CDH13: variants seen among roughly 807,000 people sequenced by gnomAD.
CDH13 encodes the protein cadherin 13.
A neutral mutation model predicts 63.8 loss-of-function variants in CDH13; 24 were observed. That is an observed-to-expected ratio of 0.38 (90% CI 0.27 to 0.53). The LOEUF (loss-of-function observed/expected upper bound fraction) is 0.53, where lower values mean the gene tolerates loss of function less well. CDH13 is among the 20% of genes least tolerant of loss of function. CDH13 has a pLI of 0.85. For missense variants in CDH13, 1,049 were observed against 903.1 expected, an observed-to-expected ratio of 1.16 and a Z score of -2.07; for synonymous variants, 503 against 355.3, an observed-to-expected ratio of 1.42 and a Z score of -4.67.
chr16:83,200,952 TG>T (rs2039010596), intron 4 of CDH13, among the ~76,000 whole-genome samples: 1 of 150,338 alleles, frequency 6.7e-6, no homozygotes, highest in African/African-American at 2.4e-5. Flanking sequence ...TGTGTGTGTG[TG>T]TGTGTGTGTG....
intron 6 of CDH13, among the ~76,000 whole-genome samples, chr16:83,422,972 G>A (rs2071761667): frequency 6.6e-6 from 1 of 152,088 alleles, no homozygotes; most frequent in Non-Finnish European, 1.5e-5. Flanking sequence ...CAAATACTAG[G>A]AATACAAAGG....
At chr16:83,649,724 C>T (rs1196989770) in intron 8 of CDH13, among the ~76,000 whole-genome samples, 1 of 152,026 alleles carries the variant, frequency 6.6e-6, no homozygotes. Context: ...GGATGCTGAA[C>T]ACGGAGGGCA....
Position 83,753,793 on chromosome 16 carries a change from A to C in CDH13, c.1681+5543A>C, listed in dbSNP as rs186358557. Among the ~76,000 whole-genome samples, 387 of 152,172 alleles carry C rather than the reference A, an allele frequency of 2.5e-3. 2 individuals carry two copies. Among genetic ancestry groups the C allele is most frequent in the Middle Eastern group, 0.02 (6 of 294 alleles). On this transcript the variant is annotated intron_variant, in intron 11 of 13. Coordinates refer to ENST00000567109, the MANE Select transcript of CDH13 (RefSeq NM_001257.5). ...AACTTCCATGTAGGATACAGTACGG[A>C]AGTGTCCCCACTGTGAAACTAGAAA...
chr16:82,764,213 G>A (rs2034962170), intron 1 of CDH13, among the ~76,000 whole-genome samples: 1 of 152,200 alleles, frequency 6.6e-6, no homozygotes, highest in Non-Finnish European at 1.5e-5. Flanking sequence ...CAAGTACACA[G>A]GCTAAGCATG....
At chr16:83,034,045 G>C (rs1172123658) in intron 3 of CDH13, among the ~76,000 whole-genome samples, 2 of 152,072 alleles carry the variant, frequency 1.3e-5, no homozygotes, top group East Asian at 3.9e-4. Context: ...CAATGTGAGA[G>C]TTACCTTCCC....
chr16:82,694,880 C>T lies in CDH13; in HGVS notation c.45+67743C>T, dbSNP rs1263957803. Reference sequence around the variant, plus strand: ...AGGAGGAGTGCCTATAAAGGAGGCGCCTTGGGTATTCTTACTGAGCATAAC... The same window carrying T: ...AGGAGGAGTGCCTATAAAGGAGGCGTCTTGGGTATTCTTACTGAGCATAAC... On this transcript the variant is annotated intron_variant, in intron 1 of 13. Transcript: ENST00000567109. Among the ~76,000 whole-genome samples, 5 of 152,026 alleles carry T rather than the reference C, an allele frequency of 3.3e-5. No homozygotes were observed. In the East Asian group the frequency reaches 5.8e-4, roughly 18 times the overall value.
intron 11 of CDH13, among the ~76,000 whole-genome samples, chr16:83,771,037 G>C (rs988308887): frequency 1.3e-5 from 2 of 152,118 alleles, no homozygotes; most frequent in Non-Finnish European, 2.9e-5. Flanking sequence ...TGAGTGTCTA[G>C]TTTTCTTTTC....
chr16:82,731,780 T>G (rs1450364732), intron 1 of CDH13, among the ~76,000 whole-genome samples: 1 of 152,268 alleles, frequency 6.6e-6, no homozygotes, highest in Non-Finnish European at 1.5e-5. Context: ...TTTTATTATT[T>G]GTAAATTATG....
At chr16:83,451,390 A>G (rs2151511110) in intron 6 of CDH13, among the ~76,000 whole-genome samples, 1 of 152,306 alleles carries the variant, frequency 6.6e-6, no homozygotes, top group African/African-American at 2.4e-5. Flanking sequence ...AACAGCATGG[A>G]AAATACCTGC....
At chr16:83,541,287 A>C (rs925640581) in intron 7 of CDH13, among the ~76,000 whole-genome samples, 4 of 152,236 alleles carry the variant, frequency 2.6e-5, no homozygotes, top group Admixed American at 2.6e-4. Context: ...GAAAATCTAA[A>C]TGAATTCTTC....
chr16:83,060,342 C>G (rs12447793), intron 3 of CDH13, among the ~76,000 whole-genome samples: 1 of 152,068 alleles, frequency 6.6e-6, no homozygotes, highest in Non-Finnish European at 1.5e-5. Flanking sequence ...GGTCTCCATT[C>G]TTAAAAATCC....
chr16:83,115,148 C>T (rs1172647427), intron 3 of CDH13, among the ~76,000 whole-genome samples: 2 of 152,194 alleles, frequency 1.3e-5, no homozygotes, highest in Non-Finnish European at 2.9e-5. Flanking sequence ...CCAGCAGCAA[C>T]CCTGGGGAGG....
chr16:82,788,865 C>T (rs2036153131), intron 1 of CDH13, among the ~76,000 whole-genome samples: 1 of 152,068 alleles, frequency 6.6e-6, no homozygotes, highest in African/African-American at 2.4e-5. Context: ...ACTCTTAATG[C>T]CTTTTGGTTC....
Position 82,792,883 on chromosome 16 carries a change from A to T in CDH13, c.46-65479A>T, listed in dbSNP as rs753558107. On this transcript the variant is annotated intron_variant, in intron 1 of 13. Coordinates refer to ENST00000567109, the MANE Select transcript of CDH13 (RefSeq NM_001257.5). ...CGCTAATTGATTTGTAAGAAAGTCC[A>T]CATGAAATGCCTGGCACTCTCCCAA... Among the ~76,000 whole-genome samples the T allele has an allele frequency of 1.3e-4, 20 of 152,170 alleles. 1 individual carries two copies. The highest frequency in any genetic ancestry group is 2.5e-4 in the Non-Finnish European group (17 of 68,034).
intron 6 of CDH13, among the ~76,000 whole-genome samples, chr16:83,409,270 A>T (rs2092092367): frequency 6.6e-6 from 1 of 151,836 alleles, no homozygotes; most frequent in Non-Finnish European, 1.5e-5. Flanking sequence ...GGATATGCCA[A>T]TCCCATTCTT....
intron 4 of CDH13, among the ~76,000 whole-genome samples, chr16:83,143,032 AG>A (rs1219587765): frequency 6.6e-6 from 1 of 152,178 alleles, no homozygotes; most frequent in Non-Finnish European, 1.5e-5. Flanking sequence ...TGAACCCGGG[AG>A]GCGGAGGTTG....
intron 7 of CDH13, among the ~76,000 whole-genome samples, chr16:83,533,052 C>G (rs932143643): frequency 3.9e-5 from 6 of 152,116 alleles, no homozygotes; most frequent in African/African-American, 1.4e-4. Context: ...TAAAAGGATT[C>G]CAATTATTGT....
chr16:82,699,779 C>T (rs571959280), intron 1 of CDH13, among the ~76,000 whole-genome samples: 2 of 152,222 alleles, frequency 1.3e-5, no homozygotes, highest in Non-Finnish European at 2.9e-5. Flanking sequence ...TTAAGATAAT[C>T]TCTTTTGTCT....
chr16:82,690,016 A>AAAAAAAAAT (rs1915481702), intron 1 of CDH13, among the ~76,000 whole-genome samples: 3 of 142,316 alleles, frequency 2.1e-5, no homozygotes, highest in Non-Finnish European at 1.5e-5. Flanking sequence ...AAAAAAAAAA[A>AAAAAAAAAT]AATTAGCCAG....
Sources: allele counts gnomAD v4.1 joint callset (sites outside exome capture counted in the v4.1 genomes callset), GRCh38; gene constraint gnomAD v4.1.1; transcripts MANE v1.5; gene names NCBI Gene and HGNC (gene_info 2026-07-23, HGNC 2026-07-21).